The following IRAK2 variants were observed in gnomAD, a reference collection of about 807,000 sequenced individuals.
IRAK2 encodes the protein interleukin-1 receptor-associated kinase-like 2.
In IRAK2, 57 loss-of-function variants were observed where a neutral mutation model predicts 72.0. The observed-to-expected ratio is 0.79, with a 90% CI of 0.64 to 0.99. The LOEUF is 0.99. Ranked by LOEUF, IRAK2 falls within the 50% of genes least tolerant of loss-of-function variation. The pLI, the probability that IRAK2 is intolerant of heterozygous loss-of-function variation, is 0.00. For missense variants in IRAK2, 790 were observed against 794.4 expected (o/e 0.99, Z 0.07); for synonymous variants, 293 against 312.7 (o/e 0.94, Z 0.67).
intron 7 of IRAK2, among the ~76,000 whole-genome samples, chr3:10,217,257 G>A (rs1027834000): frequency 1.3e-5 from 2 of 152,170 alleles, no homozygotes; most frequent in African/African-American, 4.8e-5. Context: ...ACGATACAGA[G>A]AAGATCAGCA....
chr3:10,231,892 T>A (rs1177615), intron 10 of IRAK2, among the ~76,000 whole-genome samples: 17 of 152,026 alleles, frequency 1.1e-4, no homozygotes, highest in Non-Finnish European at 4.4e-5. Context: ...TTTGGGAGGC[T>A]GAGGCAGGCG....
chr3:10,236,369 A>G (rs1408404297), intron 11 of IRAK2, among the ~76,000 whole-genome samples: 4 of 91,948 alleles, frequency 4.4e-5, no homozygotes, highest in Non-Finnish European at 8.2e-5. Flanking sequence ...TTTTTTTTTA[A>G]CAGAATCTCA....
intron 4 of IRAK2, among the ~76,000 whole-genome samples, 175 bp downstream of exon 4, chr3:10,209,867 CG>C (rs1230236970): frequency 6.6e-6 from 1 of 152,028 alleles, no homozygotes. Context: ...TCAATAATAG[CG>C]GGGAGAGGGA....
chr3:10,226,511 C>A, intron 10 of IRAK2, 78 bp downstream of exon 10: 2 of 1,200,818 alleles, frequency 1.7e-6, no homozygotes, highest in Non-Finnish European at 2.4e-6. Flanking sequence ...GACCTCAATT[C>A]TAGCTAGTTT....
chr3:10,193,202 C>A (rs1370323980), intron 2 of IRAK2, among the ~76,000 whole-genome samples: 1 of 152,198 alleles, frequency 6.6e-6, no homozygotes, highest in African/African-American at 2.4e-5. Flanking sequence ...TGAACCATGA[C>A]AGGGGCACAG....
At chr3:10,194,487 G>A (rs1294772179) in intron 2 of IRAK2, among the ~76,000 whole-genome samples, 1 of 152,234 alleles carries the variant, frequency 6.6e-6, no homozygotes, top group Non-Finnish European at 1.5e-5. Flanking sequence ...GAAGCTCAGT[G>A]CGAGAGTTAA....
At position 10,168,215 on chromosome 3, in the gene IRAK2, A is replaced by ATTT. The variant is rs552806898; in HGVS notation, c.94+3178_94+3180dup. ...CATGTGTTATTTTTTTCTTTTTTTAATTTTTTTTTTTTTGAGACAGAGTCT... is the reference window on the plus strand; with the variant it reads ...CATGTGTTATTTTTTTCTTTTTTTAATTTTTTTTTTTTTTTTGAGACAGAGTCT... On this transcript the variant is annotated intron_variant, in intron 1 of 12. Transcript: ENST00000256458. Among the ~76,000 whole-genome samples, 264 of 144,204 alleles carry ATTT rather than the reference A, an allele frequency of 1.8e-3. 1 individual carries two copies. The highest frequency in any genetic ancestry group is 7.0e-3 in the Middle Eastern group (2 of 286). 94.6% of individuals were successfully genotyped at this position (144,204 alleles called of 152,430 possible).
intron 3 of IRAK2, among the ~76,000 whole-genome samples, chr3:10,206,436 T>A (rs1199558148): frequency 5.3e-5 from 8 of 152,250 alleles, no homozygotes; most frequent in Non-Finnish European, 4.4e-5. Context: ...GGAATGAGGC[T>A]GAGGGCAGCC....
intron 1 of IRAK2, among the ~76,000 whole-genome samples, chr3:10,172,406 C>T (rs528825746): frequency 6.6e-6 from 1 of 151,642 alleles, no homozygotes; most frequent in African/African-American, 2.4e-5. Context: ...GGTGTGATGG[C>T]ACTCGCCTGT....
At position 10,242,254 on chromosome 3, in the gene IRAK2, T is replaced by A. The variant is rs1559455909; in HGVS notation, c.*26T>A. The A allele has an allele frequency of 7.7e-7, 1 of 1,306,872 alleles. No individual in the cohort carries two copies. Among genetic ancestry groups the A allele is most frequent in the Admixed American group, 1.9e-5 (1 of 51,282 alleles). 81.0% of individuals were successfully genotyped at this position (1,306,872 alleles called of 1,614,324 possible). ...TGACCGGAACACAGCTGAGGACCCT[T>A]GTCCTCAGTTGGAAAGATGAGCATC... On this transcript the variant is annotated 3_prime_UTR_variant, in exon 13 of 13. Coordinates refer to ENST00000256458, the MANE Select transcript of IRAK2 (RefSeq NM_001570.4).
intron 2 of IRAK2, among the ~76,000 whole-genome samples, chr3:10,183,611 C>T (rs1357062657): frequency 6.6e-6 from 1 of 152,158 alleles, no homozygotes; most frequent in Non-Finnish European, 1.5e-5. Context: ...GTCCCAGCTA[C>T]TCAGGAGGCT....
At chr3:10,209,352 G>A (rs146086308) in intron 3 of IRAK2, among the ~76,000 whole-genome samples, 15 of 152,266 alleles carry the variant, frequency 9.9e-5, no homozygotes, top group East Asian at 9.7e-4. Context: ...CGGTGTCTCC[G>A]TGTCTCCACT....
chr3:10,182,150 T>G (rs1037098918), intron 2 of IRAK2, among the ~76,000 whole-genome samples: 2 of 151,938 alleles, frequency 1.3e-5, no homozygotes, highest in Non-Finnish European at 2.9e-5. Context: ...GTATTTTCAG[T>G]AGAGACGGGG....
intron 1 of IRAK2, among the ~76,000 whole-genome samples, chr3:10,169,102 C>G (rs902916796): frequency 1.8e-4 from 27 of 152,086 alleles, no homozygotes; most frequent in African/African-American, 6.3e-4. Context: ...ACAAAACCAG[C>G]GAGTTTTTAT....
At chr3:10,233,484 TATAGC>T (rs1232843538) in intron 10 of IRAK2, among the ~76,000 whole-genome samples, 1 of 152,202 alleles carries the variant, frequency 6.6e-6, no homozygotes, top group African/African-American at 2.4e-5. Context: ...AAAATTATTA[TATAGC>T]ATATGTTCTA....
At chr3:10,240,459 A>G (rs28668343) in intron 12 of IRAK2, among the ~76,000 whole-genome samples, 5 of 135,654 alleles carry the variant, frequency 3.7e-5, no homozygotes, top group East Asian at 2.0e-4. Flanking sequence ...TGTCTCAGGG[A>G]AAAAAAAAAG....
In IRAK2 at chr3:10,218,347, C is replaced by T. The variant is rs182774631; in HGVS notation, c.903+1299C>T. ...GCTGAGACAGGAGAATCACTTGAAC[C>T]CGGGAGGCAGAGGTTGCGGTGAGCC... On this transcript the variant is annotated intron_variant, in intron 7 of 12. Coordinates refer to ENST00000256458, the MANE Select transcript of IRAK2 (RefSeq NM_001570.4). Among the ~76,000 whole-genome samples, 251 of 149,836 alleles carry T rather than the reference C, an allele frequency of 1.7e-3. 5 individuals are homozygous for T. The South Asian group carries it at 0.043, about 25-fold the overall frequency.
chr3:10,216,569 A>T (rs1697608106), intron 6 of IRAK2, among the ~76,000 whole-genome samples: 1 of 152,092 alleles, frequency 6.6e-6, no homozygotes, highest in African/African-American at 2.4e-5. Flanking sequence ...GCAGAAGAGG[A>T]TTTCAGGAAA....
At chr3:10,216,386 G>A (rs1050368395) in intron 6 of IRAK2, among the ~76,000 whole-genome samples, 1 of 152,076 alleles carries the variant, frequency 6.6e-6, no homozygotes, top group Admixed American at 6.6e-5. Context: ...AGAGATTTGG[G>A]AATATTCCTT....
Sources: gnomAD v4.1 joint callset for allele counts (sites outside exome capture counted in the v4.1 genomes callset) on GRCh38, gnomAD v4.1.1 for gene constraint, MANE v1.5 for transcripts, NCBI Gene and HGNC (gene_info 2026-07-23, HGNC 2026-07-21) for gene names.